Variants in SNTB1 observed in about 807,000 individuals in gnomAD.
SNTB1 encodes beta-1-syntrophin.
SNTB1 carries 36 observed loss-of-function variants against 48.9 expected under a neutral mutation model. That is an observed-to-expected ratio of 0.74 (90% confidence interval 0.56 to 0.97). The LOEUF is 0.97. SNTB1 is among the 50% of genes least tolerant of loss of function. The pLI is 0.00. For missense variants in SNTB1, 786 were observed against 703.4 expected (o/e 1.12, Z -1.33); for synonymous variants, 299 against 294.6 (o/e 1.01, Z -0.15).
chr8:120,682,789 G>A (rs1817954385), intron 2 of SNTB1, among the ~76,000 whole-genome samples: 3 of 152,074 alleles, frequency 2.0e-5, no homozygotes, highest in Non-Finnish European at 1.5e-5. Flanking sequence ...GACCAAAATG[G>A]TGGTTCTGGT....
At chr8:120,770,982 A>T (rs763604494) in intron 1 of SNTB1, among the ~76,000 whole-genome samples, 6 of 152,248 alleles carry the variant, frequency 3.9e-5, no homozygotes, top group Non-Finnish European at 7.3e-5. Flanking sequence ...ATACTATAGC[A>T]AGAAGAGTCG....
At chr8:120,692,379 T>C (rs1309891000) in intron 2 of SNTB1, among the ~76,000 whole-genome samples, 1 of 152,172 alleles carries the variant, frequency 6.6e-6, no homozygotes, top group Non-Finnish European at 1.5e-5. Flanking sequence ...ACATTCTAAA[T>C]AAGGGCCAGT....
Position 120,811,264 on chromosome 8 carries a change from A to C in SNTB1, c.571+9T>G. The C allele has an allele frequency of 6.3e-7, 1 of 1,585,454 alleles. No homozygotes were observed. Among genetic ancestry groups the C allele is most frequent in the Non-Finnish European group, 8.5e-7 (1 of 1,172,086 alleles). On this transcript the variant is annotated intron_variant, in intron 1 of 6. Transcript: ENST00000517992. ...GCCCGGCGCGGCCCGCGCGCTGTTA[A>C]CCCCTTACCTTCCAGCAGCACTTCC...
chr8:120,773,388 G>C (rs1239984545), intron 1 of SNTB1, among the ~76,000 whole-genome samples: 1 of 152,208 alleles, frequency 6.6e-6, no homozygotes, highest in African/African-American at 2.4e-5. Flanking sequence ...AAAATAAAGA[G>C]AGATTGGCAT....
intron 3 of SNTB1, among the ~76,000 whole-genome samples, chr8:120,583,383 A>G (rs1428184561): frequency 6.6e-6 from 1 of 151,932 alleles, no homozygotes; most frequent in Non-Finnish European, 1.5e-5. Context: ...GTGGGTGCCT[A>G]TAATCCCAGC....
chr8:120,539,623 A>G (rs1815252748), intron 6 of SNTB1, among the ~76,000 whole-genome samples: 2 of 152,220 alleles, frequency 1.3e-5, no homozygotes, highest in Admixed American at 1.3e-4. Context: ...CAAGACTTAC[A>G]GTCTGAGCAG....
intron 2 of SNTB1, chr8:120,637,095 GC>G: frequency 2.7e-6 from 1 of 372,094 alleles, no homozygotes. Flanking sequence ...AGGAGCATTG[GC>G]CAGTGTTTGC....
intron 2 of SNTB1, among the ~76,000 whole-genome samples, chr8:120,641,105 CA>C (rs200688098): frequency 2.7e-5 from 4 of 150,478 alleles, no homozygotes; most frequent in Non-Finnish European, 4.4e-5. Context: ...AACTGTCAAT[CA>C]AAAAAAAATC....
intron 1 of SNTB1, among the ~76,000 whole-genome samples, chr8:120,744,084 C>T (rs962631046): frequency 4.0e-5 from 6 of 149,126 alleles, no homozygotes; most frequent in African/African-American, 9.8e-5. Context: ...GAGCTAAGAT[C>T]GTGCCACTGC....
At chr8:120,645,501 C>G (rs1490613915) in intron 2 of SNTB1, among the ~76,000 whole-genome samples, 2 of 151,714 alleles carry the variant, frequency 1.3e-5, no homozygotes, top group African/African-American at 2.4e-5. Flanking sequence ...TCTGAGAGCT[C>G]TGTTCTGTTC....
intron 1 of SNTB1, among the ~76,000 whole-genome samples, chr8:120,734,952 C>A (rs902553866): frequency 6.6e-6 from 1 of 152,080 alleles, no homozygotes; most frequent in African/African-American, 2.4e-5. Context: ...CAAACCAGCC[C>A]ATAAAAGAAC....
chr8:120,558,258 T>C (rs191762874), intron 4 of SNTB1, among the ~76,000 whole-genome samples: 2 of 152,316 alleles, frequency 1.3e-5, no homozygotes, highest in Non-Finnish European at 2.9e-5. Context: ...CATCTGTCTC[T>C]TATATGTGGC....
At chr8:120,789,800 C>A (rs1220974032) in intron 1 of SNTB1, among the ~76,000 whole-genome samples, 3 of 151,942 alleles carry the variant, frequency 2.0e-5, no homozygotes, top group African/African-American at 7.2e-5. Context: ...CCAAATTCTA[C>A]CAGACATTCA....
intron 3 of SNTB1, among the ~76,000 whole-genome samples, chr8:120,616,347 T>C (rs1816713991): frequency 6.7e-6 from 1 of 149,674 alleles, no homozygotes; most frequent in South Asian, 2.1e-4. Context: ...TCACATGGCC[T>C]GGGGTACAGT....
chr8:120,765,577 G>T lies in SNTB1; in HGVS notation c.571+45696C>A, dbSNP rs559692151. Among the ~76,000 whole-genome samples the T allele has an allele frequency of 5.3e-5, 8 of 152,238 alleles. No individual in the cohort carries two copies. In the South Asian group the frequency reaches 1.7e-3, roughly 32 times the overall value. ...CCTTTTTGCTGCATCATCCTATGGT[G>T]GGAGGCAGACAGGCAAAAAATGCAT... On this transcript the variant is annotated intron_variant, in intron 1 of 6. Coordinates refer to ENST00000517992, the MANE Select transcript of SNTB1 (RefSeq NM_021021.4).
intron 3 of SNTB1, among the ~76,000 whole-genome samples, chr8:120,598,078 G>A (rs1262020258): frequency 1.3e-5 from 2 of 152,120 alleles, no homozygotes; most frequent in Non-Finnish European, 2.9e-5. Context: ...TGCTCACTGG[G>A]AAAACTATGT....
chr8:120,802,671 T>A (rs550540835), intron 1 of SNTB1, among the ~76,000 whole-genome samples: 2 of 152,290 alleles, frequency 1.3e-5, no homozygotes, highest in South Asian at 2.1e-4. Flanking sequence ...CTGTAACTGA[T>A]ACAATTGAAT....
intron 3 of SNTB1, among the ~76,000 whole-genome samples, chr8:120,591,066 G>C (rs906497928): frequency 6.6e-6 from 1 of 152,126 alleles, no homozygotes; most frequent in African/African-American, 2.4e-5. Context: ...TTCCAAGAGA[G>C]AGCATCTGCA....
At chr8:120,790,788 T>C (rs1820016042) in intron 1 of SNTB1, among the ~76,000 whole-genome samples, 1 of 151,976 alleles carries the variant, frequency 6.6e-6, no homozygotes, top group Non-Finnish European at 1.5e-5. Context: ...ATTGGAAGAA[T>C]CGGTATCATG....
Sources: allele counts gnomAD v4.1 joint callset (sites outside exome capture counted in the v4.1 genomes callset), GRCh38; gene constraint gnomAD v4.1.1; transcripts MANE v1.5; gene names NCBI Gene and HGNC (gene_info 2026-07-23, HGNC 2026-07-21).